The following MTFR1 variants were observed in gnomAD, a reference collection of about 807,000 sequenced individuals.
MTFR1 encodes the protein mitochondrial fission regulator 1, also known as chondrocyte protein with a poly-proline region.
In MTFR1, 28 loss-of-function variants were observed where a neutral mutation model predicts 38.8. The ratio of observed to expected loss-of-function variants is 0.72; its 90% CI spans 0.53 to 0.99. The LOEUF (loss-of-function observed/expected upper bound fraction) is 0.99, where lower values mean the gene tolerates loss of function less well. Among genes scored for constraint, MTFR1 ranks in the 50% least tolerant of loss-of-function variants. The probability of loss-of-function intolerance (pLI) is 0.00; values close to 1 mark genes in which losing one functional copy is unlikely to be tolerated. For missense variants in MTFR1, 358 were observed against 395.5 expected (o/e 0.91, Z 0.81); for synonymous variants, 145 against 137.0 (o/e 1.06, Z -0.41).
rs1334810107 is a variant in MTFR1 at position 65,710,469 on chromosome 8, A to ATTTT, written c.*1427_*1430dup. 6.6e-6 allele frequency: 1 copy of ATTTT among 152,630 alleles called. No homozygotes were observed. The highest frequency in any genetic ancestry group is 1.9e-4 in the East Asian group (1 of 5,208). 9.5% of individuals were successfully genotyped at this position (152,630 alleles called of 1,614,324 possible). ...ACGTATTTTGACCTAAAAGAAACAT[A>ATTTT]TTTTTGTATCAGTATTGAATTTTGG... is the stretch of plus-strand genomic sequence containing the variant. On this transcript the variant is annotated 3_prime_UTR_variant, in exon 8 of 8. Transcript: ENST00000262146.
chr8:65,691,550 C>T (rs2129055814), intron 3 of MTFR1, among the ~76,000 whole-genome samples: 1 of 152,314 alleles, frequency 6.6e-6, no homozygotes, highest in East Asian at 1.9e-4. Flanking sequence ...TCTTGTCCTC[C>T]CAAAGTGCCA....
intron 3 of MTFR1, among the ~76,000 whole-genome samples, chr8:65,691,884 C>T (rs1448218700): frequency 1.3e-5 from 2 of 152,026 alleles, no homozygotes; most frequent in African/African-American, 2.4e-5. Flanking sequence ...GTACACATAC[C>T]AACAACTGAT....
intron 2 of MTFR1, among the ~76,000 whole-genome samples, chr8:65,672,520 T>C (rs1407429766): frequency 1.3e-5 from 2 of 152,126 alleles, no homozygotes; most frequent in African/African-American, 4.8e-5. Context: ...AATCACTTTT[T>C]TTTTTTCTTT....
intron 1 of MTFR1, among the ~76,000 whole-genome samples, chr8:65,655,951 A>ATATAT (rs1377063247): frequency 1.8e-5 from 1 of 55,404 alleles, no homozygotes; most frequent in African/African-American, 1.4e-4. Flanking sequence ...TAAAAAAAAA[A>ATATAT]ATATATATAT....
intron 3 of MTFR1, among the ~76,000 whole-genome samples, chr8:65,763,018 TG>T (rs1808588830): frequency 6.6e-6 from 1 of 151,374 alleles, no homozygotes; most frequent in African/African-American, 2.4e-5. Context: ...TGTGTGTGTG[TG>T]TGTGTGTGTG....
intron 3 of MTFR1, among the ~76,000 whole-genome samples, chr8:65,740,651 C>T (rs1419388794): frequency 1.3e-5 from 2 of 152,144 alleles, no homozygotes; most frequent in Middle Eastern, 3.2e-3. Context: ...CCGCCCGCCT[C>T]GGCCTCCCAA....
rs541549494 is a variant in MTFR1, at chr8:65,687,031, T to C, written c.165+4580T>C. ...TCCACAAGGATACTGCTGCTTACCC[T>C]TAAAGATTATTTTCAGAAATAGACA... On this transcript the variant is annotated intron_variant, in intron 3 of 7. Transcript: ENST00000262146. Among the ~76,000 whole-genome samples the C allele has an allele frequency of 2.0e-3, 298 of 152,322 alleles. 2 individuals carry two copies. Among genetic ancestry groups the C allele is most frequent in the Non-Finnish European group, 1.1e-3 (76 of 68,026 alleles).
intron 3 of MTFR1, among the ~76,000 whole-genome samples, chr8:65,737,390 C>CA (rs1339027345): frequency 1.3e-5 from 2 of 152,230 alleles, no homozygotes; most frequent in Non-Finnish European, 2.9e-5. Context: ...TGGGGCTACT[C>CA]ACACTATATT....
intron 1 of MTFR1, among the ~76,000 whole-genome samples, chr8:65,647,468 C>T (rs1250326257): frequency 5.1e-4 from 78 of 152,296 alleles, no homozygotes; most frequent in Non-Finnish European, 4.4e-5. Context: ...TAGGCCACCA[C>T]GCCCAGCTAA....
chr8:65,646,147 A>C (rs1563428556), intron 1 of MTFR1, among the ~76,000 whole-genome samples: 1 of 152,214 alleles, frequency 6.6e-6, no homozygotes, highest in Non-Finnish European at 1.5e-5. Context: ...TCGAGTTCTT[A>C]GTATGTATGA....
In MTFR1 at chr8:65,663,988, G is replaced by C. The variant is rs559259786; in HGVS notation, c.-80-5885G>C. Among the ~76,000 whole-genome samples, 4 of 151,926 alleles carry C rather than the reference G, an allele frequency of 2.6e-5. No homozygotes were observed. The East Asian group carries it at 5.8e-4, about 22-fold the overall frequency. On this transcript the variant is annotated intron_variant, in intron 1 of 7. Transcript: ENST00000262146. ...GCACCACCACACCTGGTTAATTTTT[G>C]TATTTTTAGTAGAGACGGGGTTTCG...
chr8:65,749,171 A>G lies in MTFR1; in HGVS notation c.*49-21776A>G, dbSNP rs752227714. 2.6e-4 allele frequency among the ~76,000 whole-genome samples: 40 copies of G among 152,190 alleles called. 1 individual carries two copies. The highest frequency in any genetic ancestry group is 5.0e-4 in the Non-Finnish European group (34 of 68,018). On this transcript the variant is annotated intron_variant, in intron 3 of 3. Transcript: ENST00000521247. ...ATTCATCTATAATAGTACTTCTGAT[A>G]TTATAATTAGTTTTTTGTCTCCTTG...
chr8:65,736,998 T>A (rs1428838689), intron 3 of MTFR1, among the ~76,000 whole-genome samples: 1 of 149,962 alleles, frequency 6.7e-6, no homozygotes, highest in Admixed American at 6.6e-5. Flanking sequence ...TTCTCCTGCC[T>A]CAGCCTGGAT....
At chr8:65,680,949 A>G (rs1166517475) in intron 2 of MTFR1, among the ~76,000 whole-genome samples, 1 of 114,834 alleles carries the variant, frequency 8.7e-6, no homozygotes, top group African/African-American at 3.5e-5. Context: ...TCTGTCGCCC[A>G]GGCCGGACTG....
chr8:65,666,994 G>T (rs574061174), intron 1 of MTFR1, among the ~76,000 whole-genome samples: 2 of 152,098 alleles, frequency 1.3e-5, no homozygotes, highest in Admixed American at 6.6e-5. Context: ...GAATTTTCCG[G>T]CCAGACGCGG....
At chr8:65,676,919 T>G (rs1019977717) in intron 2 of MTFR1, among the ~76,000 whole-genome samples, 1 of 152,146 alleles carries the variant, frequency 6.6e-6, no homozygotes. Context: ...TGTCATCACT[T>G]TCAAACACTG....
intron 3 of MTFR1, among the ~76,000 whole-genome samples, chr8:65,738,681 C>T (rs140539684): frequency 0.04 from 6,104 of 152,324 alleles, 180 homozygotes; most frequent in Non-Finnish European, 0.062. Flanking sequence ...GATCCACCCG[C>T]CTCAGCCTCC....
intron 1 of MTFR1, among the ~76,000 whole-genome samples, chr8:65,648,602 A>G (rs976502965): frequency 6.6e-6 from 1 of 152,192 alleles, no homozygotes; most frequent in Non-Finnish European, 1.5e-5. Flanking sequence ...TAAATAGTTG[A>G]TATCATTAAA....
intron 1 of MTFR1, among the ~76,000 whole-genome samples, chr8:65,653,787 G>A (rs888721665): frequency 6.6e-6 from 1 of 152,034 alleles, no homozygotes; most frequent in Admixed American, 6.6e-5. Context: ...AAAGTAGGCT[G>A]GGTATGGTGG....
Sources: allele counts gnomAD v4.1 joint callset (sites outside exome capture counted in the v4.1 genomes callset), GRCh38; gene constraint gnomAD v4.1.1; transcripts MANE v1.5; gene names NCBI Gene and HGNC (gene_info 2026-07-23, HGNC 2026-07-21).